The following IFNGR2 variants were observed in gnomAD, a reference collection of about 807,000 sequenced individuals.
The protein encoded by IFNGR2 is IFN-gamma receptor 2.
Under a neutral mutation model 41.1 loss-of-function variants are expected in IFNGR2, and 15 were observed. The observed-to-expected ratio is 0.37, with a 90% confidence interval of 0.24 to 0.56. The LOEUF is 0.56. Among genes scored for constraint, IFNGR2 ranks in the 20% least tolerant of loss-of-function variants. The pLI is 0.81. For missense variants in IFNGR2, 362 were observed against 415.7 expected, an observed-to-expected ratio of 0.87 and a Z score of 1.12; for synonymous variants, 161 against 171.6, an observed-to-expected ratio of 0.94 and a Z score of 0.48.
At chr21:33,425,512 T>C (rs2083828867) in intron 3 of IFNGR2, among the ~76,000 whole-genome samples, 2 of 152,210 alleles carry the variant, frequency 1.3e-5, no homozygotes, top group African/African-American at 2.4e-5. Context: ...GCCCAAAGAA[T>C]GTGTCCAAAG....
rs763950472 is a variant in IFNGR2, at chr21:33,432,263, G to A, written c.648G>A (p.Leu216=). The A allele has an allele frequency of 2.5e-6, 4 of 1,613,952 alleles. No homozygotes were observed. Among genetic ancestry groups the A allele is most frequent in the Non-Finnish European group, 3.4e-6 (4 of 1,179,780 alleles). The change falls in exon 5 of 7, where the codon CTG becomes CTA. Residue 216 remains leucine (L), a synonymous_variant. Coordinates refer to ENST00000290219, the MANE Select transcript of IFNGR2 (RefSeq NM_005534.4). ...RVYCLQVQAQ[L]LWNKSNIFRV... ...ACTGTTTACAAGTCCAGGCACAACT[G>A]CTTTGGAACAAAAGTAACATCTTTA...
chr21:33,403,685 C>G (rs1037214966), intron 1 of IFNGR2, 69 bp downstream of exon 1: 5 of 1,123,700 alleles, frequency 4.4e-6, no homozygotes, highest in Non-Finnish European at 5.7e-6. Flanking sequence ...TGGGGGACTC[C>G]CGGATCGTGG....
intron 6 of IFNGR2, among the ~76,000 whole-genome samples, chr21:33,433,756 C>T (rs939333855): frequency 4.0e-5 from 6 of 151,556 alleles, no homozygotes; most frequent in Non-Finnish European, 8.8e-5. Flanking sequence ...TATGATGGTA[C>T]ATTTTATGTT....
intron 4 of IFNGR2, among the ~76,000 whole-genome samples, chr21:33,427,841 CATCTTTTT>C (rs1379935236): frequency 1.7e-5 from 2 of 116,908 alleles, no homozygotes; most frequent in Non-Finnish European, 3.4e-5. Flanking sequence ...CATCTCATTT[CATCTTTTT>C]TTTTTTTTTT....
intron 1 of IFNGR2, among the ~76,000 whole-genome samples, chr21:33,413,167 C>A (rs1467022714): frequency 6.6e-6 from 1 of 152,228 alleles, no homozygotes; most frequent in Non-Finnish European, 1.5e-5. Flanking sequence ...GACCTGCCAC[C>A]ACCCCCCTCT....
At chr21:33,419,576 A>T (rs1225548751) in intron 2 of IFNGR2, among the ~76,000 whole-genome samples, 2 of 151,480 alleles carry the variant, frequency 1.3e-5, no homozygotes, top group African/African-American at 2.4e-5. Context: ...TCATGTAATT[A>T]TTTCTGTGTG....
chr21:33,412,748 G>A (rs2083726123), intron 1 of IFNGR2, among the ~76,000 whole-genome samples: 1 of 152,094 alleles, frequency 6.6e-6, no homozygotes, highest in Non-Finnish European at 1.5e-5. Flanking sequence ...TAGAGACAGG[G>A]TTTCACCATG....
chr21:33,413,826 C>CTTTTTTTTTT (rs3057381), intron 1 of IFNGR2, among the ~76,000 whole-genome samples: 5 of 61,728 alleles, frequency 8.1e-5, no homozygotes, highest in Non-Finnish European at 1.1e-4. Context: ...GCCCCCTAAC[C>CTTTTTTTTTT]TTTTTTTTTT....
In IFNGR2 at chr21:33,436,848, G is replaced by A; in HGVS notation, c.900G>A (p.Gln300=). 3 of 1,614,126 alleles carry A rather than the reference G, an allele frequency of 1.9e-6. No individual in the cohort carries two copies. The highest frequency in any genetic ancestry group is 2.5e-6 in the Non-Finnish European group (3 of 1,179,992). The change falls in exon 7 of 7, where the codon CAG becomes CAA. Residue 300 remains glutamine (Q), a synonymous_variant. Transcript: ENST00000290219. ...QIEEYLKDPT[Q]PILEALDKDS... ...TCAAGTATTTAAAAGACCCAACTCAGCCCATCTTAGAGGCCTTGGACAAGG... is the reference window on the plus strand; with the variant it reads ...TCAAGTATTTAAAAGACCCAACTCAACCCATCTTAGAGGCCTTGGACAAGG...
intron 2 of IFNGR2, among the ~76,000 whole-genome samples, chr21:33,416,808 C>T (rs1296945635): frequency 3.3e-5 from 4 of 121,396 alleles, no homozygotes; most frequent in Non-Finnish European, 6.5e-5. Flanking sequence ...GGCGACAGAG[C>T]GAGACTCCAT....
chr21:33,432,849 G>C lies in IFNGR2; in HGVS notation c.857G>C (p.Ser286Thr), dbSNP rs1344389504. ...LIKYWFHTPPSIPLQIEEYLK... is the reference protein window; with the variant it reads ...LIKYWFHTPPTIPLQIEEYLK... ...AAATACTGGTTTCACACTCCACCAAGCATCCCATTACAGATAGAAGAGGTA... is the reference window on the plus strand; with the variant it reads ...AAATACTGGTTTCACACTCCACCAACCATCCCATTACAGATAGAAGAGGTA... The change falls in exon 6 of 7, where the codon AGC becomes ACC. Residue 286 changes from serine (S) to threonine (T), a missense_variant. By Grantham distance (58) the Ser-to-Thr change is moderately conservative (BLOSUM62 1). Transcript: ENST00000290219. 1.9e-6 allele frequency: 3 copies of C among 1,612,776 alleles called. No individual in the cohort carries two copies. The highest frequency in any genetic ancestry group is 1.7e-5 in the Admixed American group (1 of 59,918).
chr21:33,437,349 T>C lies in IFNGR2; in HGVS notation c.*387T>C, dbSNP rs1367339990. ...ACTTTGGCAAATGAGCCGGAGCCCC[T>C]TGGGCAGGTCACACAACCTGTCCCA... On this transcript the variant is annotated 3_prime_UTR_variant, in exon 7 of 7. Transcript: ENST00000290219. The C allele has an allele frequency of 1.7e-5, 4 of 228,872 alleles. No homozygotes were observed. Among genetic ancestry groups the C allele is most frequent in the South Asian group, 5.7e-5 (1 of 17,442 alleles). 14.2% of individuals were successfully genotyped at this position (228,872 alleles called of 1,614,324 possible).
At chr21:33,415,068 C>T (rs2083744694) in intron 2 of IFNGR2, 48 bp downstream of exon 2, 3 of 1,610,170 alleles carry the variant, frequency 1.9e-6, no homozygotes, top group Non-Finnish European at 2.5e-6. Flanking sequence ...GTGGGGGCAT[C>T]GTGCGGAACC....
At chr21:33,425,972 G>A (rs1324294116) in intron 3 of IFNGR2, among the ~76,000 whole-genome samples, 1 of 152,214 alleles carries the variant, frequency 6.6e-6, no homozygotes, top group Admixed American at 6.5e-5. Context: ...AGTTTCTCTG[G>A]TGAATTATAC....
At chr21:33,406,627 GAA>G (rs1014175058) in intron 1 of IFNGR2, among the ~76,000 whole-genome samples, 1 of 129,260 alleles carries the variant, frequency 7.7e-6, no homozygotes, top group African/African-American at 2.9e-5. Flanking sequence ...TATGGTCAGA[GAA>G]AAAAAAAAGT....
At chr21:33,413,058 G>A (rs1004694674) in intron 1 of IFNGR2, among the ~76,000 whole-genome samples, 16 of 152,284 alleles carry the variant, frequency 1.1e-4, no homozygotes, top group Admixed American at 1.0e-3. Context: ...TTAATGTGAA[G>A]GCAGCATTGT....
intron 4 of IFNGR2, among the ~76,000 whole-genome samples, chr21:33,430,310 G>A (rs375920551): frequency 6.6e-6 from 1 of 152,240 alleles, no homozygotes; most frequent in East Asian, 1.9e-4. Flanking sequence ...AAACCCAAAG[G>A]GAATTTTTGT....
At chr21:33,423,896 C>T (rs1219556595) in intron 3 of IFNGR2, among the ~76,000 whole-genome samples, 1 of 150,938 alleles carries the variant, frequency 6.6e-6, no homozygotes, top group Non-Finnish European at 1.5e-5. Flanking sequence ...GAAGACAGGG[C>T]AATCCTGCCA....
intron 1 of IFNGR2, among the ~76,000 whole-genome samples, chr21:33,407,224 ATTT>A (rs1210839665): frequency 6.6e-6 from 1 of 151,980 alleles, no homozygotes; most frequent in Non-Finnish European, 1.5e-5. Context: ...GTGCCACAGA[ATTT>A]TTTATCATTA....
Sources: gnomAD v4.1 joint callset for allele counts (sites outside exome capture counted in the v4.1 genomes callset) on GRCh38, gnomAD v4.1.1 for gene constraint, MANE v1.5 for transcripts, NCBI Gene and HGNC (gene_info 2026-07-23, HGNC 2026-07-21) for gene names.